HIRIP3: variants seen among roughly 807,000 people sequenced by gnomAD.
HIRIP3 encodes HIRA-interacting protein 3.
Under a neutral mutation model 50.3 loss-of-function variants are expected in HIRIP3, and 40 were observed. The ratio of observed to expected loss-of-function variants is 0.79; its 90% CI spans 0.62 to 1.03. The LOEUF (loss-of-function observed/expected upper bound fraction) is 1.03. Among genes scored for constraint, HIRIP3 ranks in the 50% least tolerant of loss-of-function variants. HIRIP3 has a pLI of 0.00. For missense variants in HIRIP3, 765 were observed against 705.4 expected (o/e 1.08, Z -0.96); for synonymous variants, 318 against 261.6 (o/e 1.22, Z -2.08).
At chr16:29,995,770 T>C, upstream of HIRIP3, 10 of 772,422 alleles carry the variant, frequency 1.3e-5, no homozygotes, top group Non-Finnish European at 1.9e-5. Context: ...CAGACGAGAC[T>C]TGTTTTCTCT....
rs1447144302 is a variant in HIRIP3, at chr16:29,994,172, C to T, written c.973G>A (p.Gly325Ser). The change falls in exon 4 of 7, where the codon GGT becomes AGT. Residue 325 changes from glycine to serine, a missense_variant. By Grantham distance (56) the Gly-to-Ser change is moderately conservative. Transcript: ENST00000279392. ...CTGCTTCCACTCAACCTCTTCCCACCCTTAAGCTGGGTCCTGTCCTCACTC... is the reference window on the plus strand; with the variant it reads ...CTGCTTCCACTCAACCTCTTCCCACTCTTAAGCTGGGTCCTGTCCTCACTC... The part of the protein sequence containing the change: ...RKSEDRTQLK[G>S]GKRLSGSSED... The T allele has an allele frequency of 2.5e-6, 4 of 1,614,068 alleles. No homozygotes were observed. The South Asian group carries it at 3.3e-5, about 13-fold the overall frequency.
rs765172291 is a variant in HIRIP3 at position 29,995,460 on chromosome 16, C to A, written c.69G>T (p.Thr23=). The A allele has an allele frequency of 1.2e-6, 2 of 1,613,490 alleles. No homozygotes were observed. The highest frequency in any genetic ancestry group is 4.5e-5 in the East Asian group (2 of 44,880). The part of the protein sequence containing the change: ...SFFRGRPDLS[T]LTHSIVRRRY... ...TCCGCCGCACGATGGAATGCGTAAG[C>A]GTGCTGCAGGGACATGGTGTCAGGA... Residue 23 remains threonine (T), a synonymous_variant, in exon 2 of 7, where the codon ACG becomes ACT. Coordinates refer to ENST00000279392, the MANE Select transcript of HIRIP3 (RefSeq NM_003609.5).
chr16:29,995,730 G>GC, upstream of HIRIP3: 1 of 1,217,592 alleles, frequency 8.2e-7, no homozygotes, highest in Non-Finnish European at 1.2e-6. Flanking sequence ...TTGGCCCTTG[G>GC]CCGCGGACCG....
chr16:29,996,092 G>T (rs2070096036), upstream of HIRIP3: 1 of 607,994 alleles, frequency 1.6e-6, no homozygotes, highest in Non-Finnish European at 2.9e-6. Flanking sequence ...CCGCGTCGCT[G>T]CTACGCCATC....
At chr16:29,995,835 A>G, upstream of HIRIP3, 4 of 610,348 alleles carry the variant, frequency 6.6e-6, no homozygotes, top group Non-Finnish European at 8.6e-6. Flanking sequence ...ATCATTTTAA[A>G]AGTTCTCGTT....
Position 29,993,511 on chromosome 16 carries a change from C to T in HIRIP3, c.1455G>A (p.Glu485=), listed in dbSNP as rs1386483103. The change falls in exon 6 of 7, where the codon GAG becomes GAA. Residue 485 remains glutamate (E), a synonymous_variant. Coordinates refer to ENST00000279392, the MANE Select transcript of HIRIP3 (RefSeq NM_003609.5). ...GKCRALKEQR[E]EAAEVASLDV... ...CCAAGGAGGCCACCTCAGCTGCCTC[C>T]TCCCTCTGCTCCTTCAGGGCCCGAC... 8 of 1,613,816 alleles carry T rather than the reference C, an allele frequency of 5.0e-6. No individual in the cohort carries two copies. The highest frequency in any genetic ancestry group is 1.3e-5 in the African/African-American group (1 of 74,916).
chr16:29,995,247 C>G, intron 2 of HIRIP3, 30 bp from the exon 3 acceptor site: 2 of 1,613,914 alleles, frequency 1.2e-6, no homozygotes, highest in Non-Finnish European at 1.7e-6. Context: ...GCAAACTATG[C>G]ACCAAGGCTG....
At chr16:29,995,301 C>CCCGCCT (rs767147321) in intron 2 of HIRIP3, 42 bp downstream of exon 2, 16 of 1,609,654 alleles carry the variant, frequency 9.9e-6, no homozygotes, top group East Asian at 2.2e-5. Flanking sequence ...AGCAGCAAGC[C>CCCGCCT]CCGCCTCCGC....
intron 2 of HIRIP3, 42 bp from the exon 3 acceptor site, chr16:29,995,259 G>A (rs2070064055): frequency 2.5e-6 from 4 of 1,613,114 alleles, no homozygotes; most frequent in African/African-American, 2.7e-5. Context: ...CCAAGGCTGC[G>A]CTCACCGCGC....
At chr16:29,995,734 C>T (rs971082185), upstream of HIRIP3, 20 of 1,201,154 alleles carry the variant, frequency 1.7e-5, no homozygotes, top group Middle Eastern at 2.8e-4. Context: ...CCCTTGGCCG[C>T]GGACCGCGTG....
At position 29,992,939 on chromosome 16, in the gene HIRIP3, ACTG is replaced by A. The variant is rs2070003354; in HGVS notation, c.*265_*267del. 3 of 322,542 alleles carry A rather than the reference ACTG, an allele frequency of 9.3e-6. No individual in the cohort carries two copies. Among genetic ancestry groups the A allele is most frequent in the Admixed American group, 9.3e-5 (2 of 21,426 alleles). The allele number at this position is 322,542 out of a possible 1,614,324, so 20.0% of individuals were successfully genotyped here. ...AGGGGAGGAGGTGGAGGCAGTGACTACTGCTCAGTTTCCTGGCCCAAAATACAG... is the reference window on the plus strand; with the variant it reads ...AGGGGAGGAGGTGGAGGCAGTGACTACTCAGTTTCCTGGCCCAAAATACAG... On this transcript the variant is annotated 3_prime_UTR_variant, in exon 7 of 7. Transcript: ENST00000279392.
In HIRIP3 at chr16:29,995,167, G is replaced by T; in HGVS notation, c.237C>A (p.Gly79=). 6.2e-7 allele frequency: 1 copy of T among 1,614,250 alleles called. No homozygotes were observed. Among genetic ancestry groups the T allele is most frequent in the South Asian group, 1.1e-5 (1 of 91,090 alleles). ...CGCTACAAGGGGTGGGAGGCCTCTT[G>T]CCCTTCTTGGTAAGGTCCAGTTTGT... The part of the protein sequence containing the change: ...REDKLDLTKK[G]KRPPTPCSDP... The change falls in exon 3 of 7, where the codon GGC becomes GGA. Residue 79 remains glycine, a synonymous_variant. Transcript: ENST00000279392.
intron 3 of HIRIP3, 125 bp from the exon 4 acceptor site, chr16:29,994,968 C>A: frequency 6.8e-7 from 1 of 1,472,682 alleles, no homozygotes. Flanking sequence ...GCTATCTGTA[C>A]TTGCTGTTCC....
At chr16:29,995,074 G>A (rs781208594) in intron 3 of HIRIP3, 29 bp downstream of exon 3, 2 of 1,595,676 alleles carry the variant, frequency 1.3e-6, no homozygotes, top group East Asian at 2.2e-5. Flanking sequence ...CGATGCAGAA[G>A]GCCCCCACAG....
Position 29,995,329 on chromosome 16 carries a change from C to G in HIRIP3, c.186+14G>C. 2 of 1,609,118 alleles carry G rather than the reference C, an allele frequency of 1.2e-6. No homozygotes were observed. Among genetic ancestry groups the G allele is most frequent in the South Asian group, 2.2e-5 (2 of 90,776 alleles). On this transcript the variant is annotated intron_variant, in intron 2 of 6. Coordinates refer to ENST00000279392, the MANE Select transcript of HIRIP3 (RefSeq NM_003609.5). ...GCCTCCGCCTCCCGCGGCCCAGGCT[C>G]CGGCCCGGCACACCTGCATCTTCAG...
Position 29,995,220 on chromosome 16 carries a change from G to T in HIRIP3, c.187-3C>A. 5 of 1,614,172 alleles carry T rather than the reference G, an allele frequency of 3.1e-6. No individual in the cohort carries two copies. Among genetic ancestry groups the T allele is most frequent in the Non-Finnish European group, 4.2e-6 (5 of 1,179,994 alleles). ...TCCCTGGAAGCGGCTTCATCCACCT[G>T]TGTGTGCGCCAAGAGGGCAAACTAT... On this transcript the variant is annotated splice_polypyrimidine_tract_variant and splice_region_variant and intron_variant, in intron 2 of 6. Coordinates refer to ENST00000279392, the MANE Select transcript of HIRIP3 (RefSeq NM_003609.5).
chr16:29,995,748 C>T (rs1323411633), upstream of HIRIP3: 1 of 1,025,040 alleles, frequency 9.8e-7, no homozygotes, highest in Non-Finnish European at 1.4e-6. Context: ...CCGCGTGGGC[C>T]GAGAACTTTG....
chr16:29,993,214 C>G lies in HIRIP3; in HGVS notation c.1664G>C (p.Ser555Thr), dbSNP rs755938784. ...TCCTGGGGGTGGCAGAGCTCAGTTA[C>G]TCTCGCCATCACTGCTGATGATGCC... Reference protein sequence around the residue: ...MRGIISSDGESN With the variant: ...MRGIISSDGETN The change falls in exon 7 of 7, where the codon AGT becomes ACT. Residue 555 changes from serine (S) to threonine (T), a missense_variant. Ser to Thr is a moderately conservative substitution (Grantham distance 58). Transcript: ENST00000279392. The G allele has an allele frequency of 6.3e-7, 1 of 1,592,498 alleles. No individual in the cohort carries two copies. The highest frequency in any genetic ancestry group is 2.2e-5 in the East Asian group (1 of 44,558).
Position 29,993,292 on chromosome 16 carries a change from T to A in HIRIP3, c.1586A>T (p.Asp529Val). 6.5e-7 allele frequency: 1 copy of A among 1,546,392 alleles called. No homozygotes were observed. Among genetic ancestry groups the A allele is most frequent in the Non-Finnish European group, 8.7e-7 (1 of 1,144,768 alleles). ...GGGACGGGGCCGCTCTTCATCTGAG[T>A]CCAGGGTCCGTCGGTACAGCTCCCC... is the stretch of plus-strand genomic sequence containing the variant. ...PPGELYRRTL[D>V]SDEERPRPAP... The change falls in exon 7 of 7, where the codon GAC becomes GTC. Residue 529 changes from aspartate (D) to valine (V), a missense_variant. Asp to Val is a radical substitution (Grantham distance 152, BLOSUM62 -3). Transcript: ENST00000279392.
Sources: allele counts gnomAD v4.1 joint callset, GRCh38; gene constraint gnomAD v4.1.1; transcripts MANE v1.5; gene names NCBI Gene and HGNC (gene_info 2026-07-23, HGNC 2026-07-21).